EPB41L5: variants seen among roughly 807,000 people sequenced by gnomAD.
EPB41L5 encodes band 4.1-like protein 5.
In EPB41L5, 55 loss-of-function variants were observed where a neutral mutation model predicts 106.6. The ratio of observed to expected loss-of-function variants is 0.52; its 90% CI spans 0.42 to 0.65. The LOEUF (loss-of-function observed/expected upper bound fraction) is 0.65, where lower values mean the gene tolerates loss of function less well. EPB41L5 is among the 30% of genes least tolerant of loss of function. The pLI, the probability that EPB41L5 is intolerant of heterozygous loss-of-function variation, is 0.00. For synonymous variants in EPB41L5, 297 were observed against 306.7 expected (o/e 0.97, Z 0.33); for missense variants, 871 against 882.1 (o/e 0.99, Z 0.16).
In EPB41L5 at chr2:120,172,654, A is replaced by G. The variant is rs180803711; in HGVS notation, c.2136-2187A>G. Among the ~76,000 whole-genome samples, 360 of 152,338 alleles carry G rather than the reference A, an allele frequency of 2.4e-3. 1 individual carries two copies. Among genetic ancestry groups the G allele is most frequent in the Non-Finnish European group, 4.3e-3 (294 of 68,018 alleles). ...AGCTACTGGAAGATGTGTTCCATCT[A>G]AAGTGGAAGATATGTTCCTCTTTTT... On this transcript the variant is annotated intron_variant, in intron 24 of 24. Transcript: ENST00000263713.
At chr2:120,140,487 G>T (rs1234649265) in intron 18 of EPB41L5, among the ~76,000 whole-genome samples, 1 of 151,830 alleles carries the variant, frequency 6.6e-6, no homozygotes, top group Admixed American at 6.6e-5. Flanking sequence ...ATTCAGTATT[G>T]TACTACTAAT....
At chr2:120,112,139 T>C (rs1456015134) in intron 16 of EPB41L5, among the ~76,000 whole-genome samples, 2 of 152,190 alleles carry the variant, frequency 1.3e-5, no homozygotes, top group Non-Finnish European at 1.5e-5. Flanking sequence ...CTCACTCCTT[T>C]CATCTTAGTA....
At chr2:120,104,201 T>A in intron 16 of EPB41L5, 1 of 1,535,960 alleles carries the variant, frequency 6.5e-7, no homozygotes, top group Non-Finnish European at 8.7e-7. Context: ...TCCGTCATGA[T>A]GTTCATTTTC....
At chr2:120,165,594 T>C (rs1687360904) in intron 22 of EPB41L5, among the ~76,000 whole-genome samples, 1 of 152,192 alleles carries the variant, frequency 6.6e-6, no homozygotes, top group South Asian at 2.1e-4. Flanking sequence ...TTTACAGTTG[T>C]TGAATCCACA....
intron 2 of EPB41L5, among the ~76,000 whole-genome samples, chr2:120,034,049 T>C (rs562953475): frequency 6.6e-5 from 10 of 151,914 alleles, no homozygotes; most frequent in African/African-American, 2.4e-4. Context: ...TGAGCCAAGA[T>C]CCCACCACTG....
chr2:120,038,467 C>T (rs1679183607), intron 2 of EPB41L5, among the ~76,000 whole-genome samples: 1 of 152,196 alleles, frequency 6.6e-6, no homozygotes, highest in African/African-American at 2.4e-5. Flanking sequence ...AACAGTTTGA[C>T]AGTTTCTCAA....
At chr2:120,138,573 T>A (rs894583499) in intron 18 of EPB41L5, among the ~76,000 whole-genome samples, 24 of 151,980 alleles carry the variant, frequency 1.6e-4, no homozygotes, top group African/African-American at 5.8e-4. Flanking sequence ...AGGAAAGTAA[T>A]CCCATTTACA....
At chr2:120,069,567 G>A (rs991309076) in intron 3 of EPB41L5, among the ~76,000 whole-genome samples, 1 of 152,144 alleles carries the variant, frequency 6.6e-6, no homozygotes, top group African/African-American at 2.4e-5. Flanking sequence ...ATAATTGGAA[G>A]TAAAACACTC....
chr2:120,136,816 A>G (rs1419507717), intron 18 of EPB41L5, among the ~76,000 whole-genome samples: 1 of 152,030 alleles, frequency 6.6e-6, no homozygotes, highest in Non-Finnish European at 1.5e-5. Context: ...TTCACCCCAC[A>G]TTCAGCAGAG....
At chr2:120,137,261 AG>A (rs1272924185) in intron 18 of EPB41L5, among the ~76,000 whole-genome samples, 6 of 152,244 alleles carry the variant, frequency 3.9e-5, no homozygotes, top group Admixed American at 1.3e-4. Context: ...ACATCACAAA[AG>A]TAGAACAATT....
In EPB41L5 at chr2:120,177,339, T is replaced by C. The variant is rs1687955172; in HGVS notation, c.*2432T>C. On this transcript the variant is annotated 3_prime_UTR_variant, in exon 25 of 25. Coordinates refer to ENST00000263713, the MANE Select transcript of EPB41L5 (RefSeq NM_020909.4). ...CAGGCTGGTGAGACTGGGCTGAGGT[T>C]GGAGAAGGGGCAGCCGGGGGCACTG... The C allele has an allele frequency of 6.6e-6, 1 of 152,402 alleles. No individual in the cohort carries two copies. Among genetic ancestry groups the C allele is most frequent in the Admixed American group, 6.6e-5 (1 of 15,204 alleles). The allele number at this position is 152,402 out of a possible 1,614,324, so 9.4% of individuals were successfully genotyped here.
chr2:120,105,994 A>G lies in EPB41L5; in HGVS notation c.1337+5180A>G, dbSNP rs978219273. The stretch of plus-strand genomic sequence containing the variant: ...ATTTGACTTCACTCACTTTAAAATT[A>G]TTCTTAATCTGCAGGACATGCTCAT... On this transcript the variant is annotated intron_variant, in intron 16 of 24. Transcript: ENST00000263713. 49 of 985,286 alleles carry G rather than the reference A, an allele frequency of 5.0e-5. No homozygotes were observed. In the African/African-American group the frequency reaches 7.3e-4, roughly 15 times the overall value. The allele number at this position is 985,286 out of a possible 1,614,324, so 61.0% of individuals were successfully genotyped here.
Position 120,164,895 on chromosome 2 carries a change from C to T in EPB41L5, c.1947C>T (p.His649=), listed in dbSNP as rs376174149. The T allele has an allele frequency of 8.2e-5, 132 of 1,609,602 alleles. No homozygotes were observed. The highest frequency in any genetic ancestry group is 1.1e-4 in the Non-Finnish European group (126 of 1,177,858). Residue 649 remains histidine (H), a synonymous_variant, in exon 22 of 25, where the codon CAC becomes CAT. Coordinates refer to ENST00000263713, the MANE Select transcript of EPB41L5 (RefSeq NM_020909.4). ...LASLTENLID[H]TVAPQVSSTS... is the part of the protein sequence containing the mutation. Reference sequence around the variant, plus strand: ...CTCTAACTGAGAATCTAATTGATCACACAGTTGCACCTCAGGTAAATATGC... The same window carrying T: ...CTCTAACTGAGAATCTAATTGATCATACAGTTGCACCTCAGGTAAATATGC...
At chr2:120,163,377 T>C (rs574066311) in intron 21 of EPB41L5, among the ~76,000 whole-genome samples, 1 of 152,064 alleles carries the variant, frequency 6.6e-6, no homozygotes. Flanking sequence ...TTTGTTGTTT[T>C]AAAATTCTCC....
At chr2:120,053,825 G>A (rs1457267499) in intron 3 of EPB41L5, among the ~76,000 whole-genome samples, 2 of 152,180 alleles carry the variant, frequency 1.3e-5, no homozygotes, top group African/African-American at 4.8e-5. Context: ...ACTTGGGGAG[G>A]CTGAGATGGG....
chr2:120,074,709 C>T (rs1328512786), intron 5 of EPB41L5, among the ~76,000 whole-genome samples: 1 of 152,116 alleles, frequency 6.6e-6, no homozygotes, highest in Non-Finnish European at 1.5e-5. Flanking sequence ...TTCATTGCTC[C>T]ATATACACAT....
chr2:120,101,351 C>T (rs1427668496), intron 16 of EPB41L5, among the ~76,000 whole-genome samples: 1 of 152,124 alleles, frequency 6.6e-6, no homozygotes, highest in African/African-American at 2.4e-5. Context: ...ATTTAGACTT[C>T]CAGGTTCTTT....
At chr2:120,062,434 T>C (rs1681146398) in intron 3 of EPB41L5, among the ~76,000 whole-genome samples, 1 of 152,202 alleles carries the variant, frequency 6.6e-6, no homozygotes, top group Admixed American at 6.5e-5. Flanking sequence ...AATAATATTC[T>C]GAAGTTGATC....
intron 16 of EPB41L5, chr2:120,106,291 A>G: frequency 1.0e-6 from 1 of 985,396 alleles, no homozygotes; most frequent in Non-Finnish European, 1.2e-6. Context: ...GGATGGTAGT[A>G]AAATTAAACT....
Sources: gnomAD v4.1 joint callset for allele counts (sites outside exome capture counted in the v4.1 genomes callset) on GRCh38, gnomAD v4.1.1 for gene constraint, MANE v1.5 for transcripts, NCBI Gene and HGNC (gene_info 2026-07-23, HGNC 2026-07-21) for gene names.